SLC5A4: variants seen among roughly 807,000 people sequenced by gnomAD.
SLC5A4 encodes solute carrier family 5 member 4, also known as probable glucose sensor protein SLC5A4.
A neutral mutation model predicts 70.3 loss-of-function variants in SLC5A4; 55 were observed. The ratio of observed to expected loss-of-function variants is 0.78; its 90% CI spans 0.63 to 0.98. SLC5A4 has a LOEUF of 0.98. Ranked by LOEUF, SLC5A4 falls within the 50% of genes least tolerant of loss-of-function variation. The pLI, the probability that SLC5A4 is intolerant of heterozygous loss-of-function variation, is 0.00. For missense variants in SLC5A4, 735 were observed against 839.2 expected (o/e 0.88, Z 1.53); for synonymous variants, 268 against 305.7 (o/e 0.88, Z 1.29).
At chr22:32,228,726 G>A (rs1408049289) in intron 11 of SLC5A4, among the ~76,000 whole-genome samples, 1 of 152,056 alleles carries the variant, frequency 6.6e-6, no homozygotes, top group African/African-American at 2.4e-5. Flanking sequence ...CTTGGAATTA[G>A]TCCCTTCCCT....
the SLC5A4 span, among the ~76,000 whole-genome samples, chr22:32,261,166 G>T: frequency 6.6e-6 from 1 of 152,204 alleles, no homozygotes; most frequent in African/African-American, 2.4e-5. Context: ...ATGCACAGGG[G>T]AGAACGCTCA....
At chr22:32,325,375 G>T in the SLC5A4 span, among the ~76,000 whole-genome samples, 1 of 151,512 alleles carries the variant, frequency 6.6e-6, no homozygotes, top group Non-Finnish European at 1.5e-5. Flanking sequence ...GTGGAGATTG[G>T]GGAAAAAGTG....
the SLC5A4 span, chr22:32,271,944 A>G: frequency 5.2e-6 from 3 of 582,216 alleles, no homozygotes; most frequent in East Asian, 4.0e-5. Context: ...TGCATCCCAC[A>G]TGACTGGCGA....
chr22:32,344,326 A>G, the SLC5A4 span, among the ~76,000 whole-genome samples: 1 of 152,184 alleles, frequency 6.6e-6, no homozygotes, highest in Non-Finnish European at 1.5e-5. Context: ...CACAAATATA[A>G]GAATACATAC....
the SLC5A4 span, among the ~76,000 whole-genome samples, chr22:32,347,284 G>C: frequency 2.6e-5 from 4 of 152,108 alleles, no homozygotes; most frequent in Admixed American, 2.6e-4. Context: ...AACCATTGTG[G>C]AAGTCAGTGT....
At chr22:32,288,145 T>C in the SLC5A4 span, among the ~76,000 whole-genome samples, 1 of 151,958 alleles carries the variant, frequency 6.6e-6, no homozygotes, top group Non-Finnish European at 1.5e-5. Context: ...CCACGGTGCC[T>C]AGCTTAAGAA....
the SLC5A4 span, among the ~76,000 whole-genome samples, chr22:32,340,840 C>T: frequency 6.6e-6 from 1 of 152,116 alleles, no homozygotes; most frequent in African/African-American, 2.4e-5. Flanking sequence ...ACCATCGGCA[C>T]GTCTTGACTT....
chr22:32,297,540 CTCTT>C, the SLC5A4 span, among the ~76,000 whole-genome samples: 1 of 78,582 alleles, frequency 1.3e-5, no homozygotes, highest in Non-Finnish European at 2.6e-5. Flanking sequence ...TGATTCTTCT[CTCTT>C]TTTTTCTTTA....
intron 11 of SLC5A4, among the ~76,000 whole-genome samples, chr22:32,227,669 G>A (rs1173579258): frequency 6.6e-6 from 1 of 152,196 alleles, no homozygotes; most frequent in Non-Finnish European, 1.5e-5. Context: ...AGGTGGGGAT[G>A]GCTCACACCT....
chr22:32,280,164 C>T, the SLC5A4 span, among the ~76,000 whole-genome samples: 1 of 152,158 alleles, frequency 6.6e-6, no homozygotes, highest in East Asian at 1.9e-4. Flanking sequence ...TACAGGCATG[C>T]ATCACCATGC....
chr22:32,324,644 G>A, the SLC5A4 span, among the ~76,000 whole-genome samples: 1 of 152,220 alleles, frequency 6.6e-6, no homozygotes, highest in Non-Finnish European at 1.5e-5. Context: ...CAGCACCGTA[G>A]AGTCCCATGG....
chr22:32,299,479 TTCTCGAGCCTTGGTTTTCAGC>T, the SLC5A4 span, among the ~76,000 whole-genome samples: 1 of 105,204 alleles, frequency 9.5e-6, no homozygotes, highest in Non-Finnish European at 2.0e-5. Context: ...CTTCATGTAG[TTCTCGAGCCTTGGTTTTCAGC>T]TCCATCAGCT....
the SLC5A4 span, among the ~76,000 whole-genome samples, chr22:32,285,881 C>T: frequency 6.6e-5 from 10 of 151,944 alleles, no homozygotes; most frequent in African/African-American, 1.4e-4. Context: ...GGACTACAGG[C>T]GCCCGCTACC....
the SLC5A4 span, among the ~76,000 whole-genome samples, chr22:32,283,606 A>G: frequency 1.3e-5 from 2 of 152,204 alleles, no homozygotes; most frequent in Non-Finnish European, 2.9e-5. Context: ...TTGGAGAGAG[A>G]TGCACAGAAG....
the SLC5A4 span, among the ~76,000 whole-genome samples, chr22:32,353,395 CAT>C: frequency 6.6e-6 from 1 of 152,116 alleles, no homozygotes; most frequent in Non-Finnish European, 1.5e-5. Flanking sequence ...TTCCGCAACA[CAT>C]AGAGGGCGCG....
At chr22:32,330,524 G>C in the SLC5A4 span, among the ~76,000 whole-genome samples, 116 of 125,226 alleles carry the variant, frequency 9.3e-4, no homozygotes, top group African/African-American at 3.4e-3. Context: ...GGGGCTGTGT[G>C]TGTCTGTGTT....
At chr22:32,277,646 C>T in the SLC5A4 span, among the ~76,000 whole-genome samples, 1 of 152,182 alleles carries the variant, frequency 6.6e-6, no homozygotes. Flanking sequence ...TTCCCGGGTT[C>T]ATGCCATTCT....
At chr22:32,330,810 G>C in the SLC5A4 span, among the ~76,000 whole-genome samples, 1 of 136,356 alleles carries the variant, frequency 7.3e-6, no homozygotes, top group Non-Finnish European at 1.6e-5. Flanking sequence ...TCTGGTGTGT[G>C]TTTTGGGAGG....
At chr22:32,347,091 G>A in the SLC5A4 span, among the ~76,000 whole-genome samples, 1 of 152,142 alleles carries the variant, frequency 6.6e-6, no homozygotes. Flanking sequence ...GCAGCCAAAA[G>A]ACACATGAAA....
Sources: allele counts gnomAD v4.1 joint callset (sites outside exome capture counted in the v4.1 genomes callset), GRCh38; gene constraint gnomAD v4.1.1; transcripts MANE v1.5; gene names NCBI Gene and HGNC (gene_info 2026-07-23, HGNC 2026-07-21).